Variants in MAML3 observed in about 807,000 individuals in gnomAD.
MAML3 encodes the protein mastermind like transcriptional coactivator 3.
MAML3 carries 27 observed loss-of-function variants against 101.9 expected under a neutral mutation model. The observed-to-expected ratio is 0.27, with a 90% CI of 0.20 to 0.37. The LOEUF is 0.37. Ranked by LOEUF, MAML3 falls within the 10% of genes least tolerant of loss-of-function variation. The pLI is 1.00. For missense variants in MAML3, 1,316 were observed against 1,444.9 expected (o/e 0.91, Z 1.45); for synonymous variants, 501 against 555.9 (o/e 0.90, Z 1.39).
At chr4:139,994,621 C>T (rs937830508) in intron 1 of MAML3, among the ~76,000 whole-genome samples, 20 of 152,162 alleles carry the variant, frequency 1.3e-4, no homozygotes, top group African/African-American at 4.6e-4. Context: ...GATTGTGCCA[C>T]TGCACTCCAG....
At chr4:140,062,444 T>C (rs1173021788) in intron 1 of MAML3, among the ~76,000 whole-genome samples, 1 of 152,190 alleles carries the variant, frequency 6.6e-6, no homozygotes, top group East Asian at 1.9e-4. Context: ...ACGCTATCTA[T>C]GTTTAAGCAA....
chr4:140,088,075 A>T (rs1489350654), intron 1 of MAML3, among the ~76,000 whole-genome samples: 1 of 152,102 alleles, frequency 6.6e-6, no homozygotes, highest in Non-Finnish European at 1.5e-5. Context: ...AAAAAAATTT[A>T]AAAAATTAGC....
chr4:139,791,047 A>G (rs1286624852), intron 2 of MAML3, among the ~76,000 whole-genome samples: 3 of 152,268 alleles, frequency 2.0e-5, no homozygotes, highest in Non-Finnish European at 4.4e-5. Flanking sequence ...TATAAAATTA[A>G]GTTAGGCTTA....
At chr4:140,021,945 A>G (rs1301246037) in intron 1 of MAML3, among the ~76,000 whole-genome samples, 1 of 152,170 alleles carries the variant, frequency 6.6e-6, no homozygotes, top group Non-Finnish European at 1.5e-5. Context: ...TATTATCCCC[A>G]TTTTAGAGAT....
In MAML3 at chr4:139,890,977, A is replaced by AAACAG; in HGVS notation, c.469-15_469-11dup. The AAACAG allele has an allele frequency of 6.2e-7, 1 of 1,606,316 alleles. No individual in the cohort carries two copies. Among genetic ancestry groups the AAACAG allele is most frequent in the Non-Finnish European group, 8.5e-7 (1 of 1,175,074 alleles). The stretch of plus-strand genomic sequence containing the variant: ...TCACAGTCTCTTGTAGCTGGAAAAG[A>AAACAG]AACAGGAAAGAGGATGACTAAACCT... On this transcript the variant is annotated splice_polypyrimidine_tract_variant and intron_variant, in intron 1 of 4. Coordinates refer to ENST00000509479, the MANE Select transcript of MAML3 (RefSeq NM_018717.5). The surrounding 1 kb of genome is among the most constrained non-coding windows in gnomAD (Gnocchi z 4.1).
chr4:140,098,285 G>A (rs568765731), intron 1 of MAML3, among the ~76,000 whole-genome samples: 18 of 152,286 alleles, frequency 1.2e-4, no homozygotes, highest in African/African-American at 4.1e-4. Context: ...CAATGCGCAC[G>A]TCCTTGGGCA....
At chr4:139,909,039 T>C (rs760825232) in intron 1 of MAML3, among the ~76,000 whole-genome samples, 6 of 152,206 alleles carry the variant, frequency 3.9e-5, no homozygotes, top group Non-Finnish European at 7.3e-5. Flanking sequence ...AAGCTTAGTG[T>C]TGTCTAGTAG....
intron 2 of MAML3, among the ~76,000 whole-genome samples, chr4:139,813,155 A>C (rs934682868): frequency 2.0e-5 from 3 of 151,946 alleles, no homozygotes; most frequent in African/African-American, 7.2e-5. Flanking sequence ...AAAATATGAA[A>C]AATAGAAAAG....
intron 1 of MAML3, among the ~76,000 whole-genome samples, chr4:139,930,567 A>G (rs1255470855): frequency 6.6e-6 from 1 of 152,154 alleles, no homozygotes; most frequent in Non-Finnish European, 1.5e-5. Flanking sequence ...TGAAGGGTCA[A>G]TGCAAGCACT....
At chr4:139,922,174 C>A (rs1430392634) in intron 1 of MAML3, among the ~76,000 whole-genome samples, 1 of 152,030 alleles carries the variant, frequency 6.6e-6, no homozygotes, top group Non-Finnish European at 1.5e-5. Flanking sequence ...TGGAAAGACA[C>A]CCGCCTGTCC....
chr4:139,841,735 C>G (rs1362838811), intron 2 of MAML3, among the ~76,000 whole-genome samples: 2 of 152,198 alleles, frequency 1.3e-5, no homozygotes, highest in African/African-American at 4.8e-5. Flanking sequence ...TGAGAAGAAA[C>G]AATGCTTTGT....
chr4:139,864,977 T>G (rs1731870690), intron 2 of MAML3, among the ~76,000 whole-genome samples: 1 of 149,532 alleles, frequency 6.7e-6, no homozygotes, highest in Admixed American at 6.6e-5. Flanking sequence ...ACTTGTTATG[T>G]TCTTCCCTCT....
chr4:139,984,993 G>C (rs1296152703), intron 1 of MAML3, among the ~76,000 whole-genome samples: 4 of 152,194 alleles, frequency 2.6e-5, no homozygotes, highest in Non-Finnish European at 4.4e-5. Context: ...AGCTGTTGCA[G>C]CTTTCTGCAA....
chr4:140,001,561 G>A (rs1277021824), intron 1 of MAML3, among the ~76,000 whole-genome samples: 1 of 152,184 alleles, frequency 6.6e-6, no homozygotes, highest in African/African-American at 2.4e-5. Context: ...CTCAAAATCA[G>A]AAGGGACAAA....
At chr4:139,819,191 C>G (rs549420232) in intron 2 of MAML3, among the ~76,000 whole-genome samples, 54 of 152,192 alleles carry the variant, frequency 3.5e-4, no homozygotes, top group African/African-American at 1.2e-3. Context: ...GGAGAGTGAT[C>G]TTGACAAGCA....
chr4:140,013,774 T>A lies in MAML3; in HGVS notation c.469-122807A>T, dbSNP rs565882784. Among the ~76,000 whole-genome samples the A allele has an allele frequency of 4.6e-5, 7 of 152,294 alleles. No individual in the cohort carries two copies. In the East Asian group the frequency reaches 1.3e-3, roughly 29 times the overall value. ...ATAGGGCTTCAGTCTTACTTCCCCA[T>A]CCCCAGTGTAAATTCCTTCATTACT... On this transcript the variant is annotated intron_variant, in intron 1 of 4. Transcript: ENST00000509479.
rs554423747 is a variant in MAML3 at position 139,769,366 on chromosome 4, C to T, written c.2080-38699G>A. On this transcript the variant is annotated intron_variant, in intron 2 of 4. Coordinates refer to ENST00000509479, the MANE Select transcript of MAML3 (RefSeq NM_018717.5). The stretch of plus-strand genomic sequence containing the variant: ...TCTCAGGTGCATGGAACACAAGACA[C>T]GCTGCTTTGATTAGGGTGCTCTCTT... Among the ~76,000 whole-genome samples, 16 of 152,292 alleles carry T rather than the reference C, an allele frequency of 1.1e-4. No homozygotes were observed. The South Asian group carries it at 1.5e-3, about 14-fold the overall frequency.
intron 2 of MAML3, among the ~76,000 whole-genome samples, chr4:139,769,606 T>C (rs1729934327): frequency 6.6e-6 from 1 of 152,158 alleles, no homozygotes; most frequent in African/African-American, 2.4e-5. Context: ...AGACCTTCCA[T>C]GTCAAAGTTC....
intron 1 of MAML3, among the ~76,000 whole-genome samples, chr4:140,083,955 CACACACACACACAGAGAGAGAGAGAGAG>C (rs1437109032): frequency 3.7e-5 from 1 of 26,860 alleles, no homozygotes; most frequent in Admixed American, 5.3e-4. Context: ...CACACACACA[CACACACACACACAGAGAGAGAGAGAGAG>C]AGAGAGAGAG....
Sources: gnomAD v4.1 joint callset for allele counts (sites outside exome capture counted in the v4.1 genomes callset) on GRCh38, gnomAD v4.1.1 for gene constraint, Gnocchi (gnomAD v3.1) non-coding constraint, MANE v1.5 for transcripts, NCBI Gene and HGNC (gene_info 2026-07-23, HGNC 2026-07-21) for gene names.